Variants in ATRNL1 observed in about 807,000 individuals in gnomAD.
The protein encoded by ATRNL1 is attractin-like protein 1.
ATRNL1 carries 95 observed loss-of-function variants against 182.7 expected under a neutral mutation model. The observed-to-expected ratio is 0.52, with a 90% CI of 0.44 to 0.62. The LOEUF (loss-of-function observed/expected upper bound fraction) is 0.62, where lower values mean the gene tolerates loss of function less well. Among genes scored for constraint, ATRNL1 ranks in the 20% least tolerant of loss-of-function variants. ATRNL1 has a pLI of 0.00. For synonymous variants in ATRNL1, 576 were observed against 568.3 expected, an observed-to-expected ratio of 1.01 and a Z score of -0.19; for missense variants, 1,471 against 1,679.5, an observed-to-expected ratio of 0.88 and a Z score of 2.17.
At chr10:115,321,830 T>C (rs1397478194) in intron 18 of ATRNL1, among the ~76,000 whole-genome samples, 3 of 152,148 alleles carry the variant, frequency 2.0e-5, no homozygotes, top group Non-Finnish European at 2.9e-5. Flanking sequence ...AAATTGTACC[T>C]GTTTGCAGGT....
intron 28 of ATRNL1, among the ~76,000 whole-genome samples, chr10:115,923,273 A>C (rs1953122528): frequency 6.6e-6 from 1 of 152,218 alleles, no homozygotes; most frequent in Admixed American, 6.5e-5. Context: ...ATCAAAAATT[A>C]GAATTCTATT....
At chr10:115,164,981 C>G (rs1428275719) in intron 6 of ATRNL1, among the ~76,000 whole-genome samples, 1 of 151,894 alleles carries the variant, frequency 6.6e-6, no homozygotes, top group Non-Finnish European at 1.5e-5. Flanking sequence ...AAATGTTATG[C>G]TCCCAACACA....
intron 26 of ATRNL1, among the ~76,000 whole-genome samples, chr10:115,587,090 T>C (rs1243414387): frequency 6.7e-6 from 1 of 149,358 alleles, no homozygotes; most frequent in Non-Finnish European, 1.5e-5. Context: ...AGGGATTCAC[T>C]TGAGGAGGCA....
At chr10:115,502,692 G>T (rs1554980376) in intron 24 of ATRNL1, among the ~76,000 whole-genome samples, 2 of 151,948 alleles carry the variant, frequency 1.3e-5, no homozygotes, top group African/African-American at 4.8e-5. Flanking sequence ...TGCTGGTATT[G>T]CCTTAATGTG....
intron 28 of ATRNL1, among the ~76,000 whole-genome samples, chr10:115,868,822 C>CTTTTTTTTTTTTTTTTTTTTTTTTTTTTT (rs67676674): frequency 6.9e-5 from 4 of 58,084 alleles, no homozygotes; most frequent in Non-Finnish European, 1.3e-4. Flanking sequence ...AGTCTTTATT[C>CTTTTTTTTTTTTTTTTTTTTTTTTTTTTT]TTTTTTTTTT....
chr10:115,407,936 A>G (rs1844914268), intron 20 of ATRNL1, among the ~76,000 whole-genome samples: 1 of 139,296 alleles, frequency 7.2e-6, no homozygotes, highest in African/African-American at 2.7e-5. Flanking sequence ...TAACACAGCC[A>G]TTTTAACTGG....
At chr10:115,872,264 G>A (rs1468916363) in intron 28 of ATRNL1, among the ~76,000 whole-genome samples, 1 of 152,138 alleles carries the variant, frequency 6.6e-6, no homozygotes, top group African/African-American at 2.4e-5. Context: ...ACAATTTGTG[G>A]TTCAGGAATA....
At chr10:115,564,116 T>G (rs1024750964) in intron 26 of ATRNL1, among the ~76,000 whole-genome samples, 1 of 152,218 alleles carries the variant, frequency 6.6e-6, no homozygotes, top group Middle Eastern at 3.4e-3. Flanking sequence ...AGCATAATTA[T>G]GGTCTAATTT....
chr10:115,350,588 T>C (rs568748509), intron 19 of ATRNL1, among the ~76,000 whole-genome samples: 2 of 152,202 alleles, frequency 1.3e-5, no homozygotes, highest in South Asian at 4.1e-4. Flanking sequence ...TGTTTATAAG[T>C]GTGTGGGTTT....
chr10:115,729,479 T>C (rs1429780147), intron 27 of ATRNL1, among the ~76,000 whole-genome samples: 1 of 146,446 alleles, frequency 6.8e-6, no homozygotes, highest in Non-Finnish European at 1.5e-5. Context: ...CCAAGGCTTA[T>C]TTCAGCTACC....
intron 21 of ATRNL1, among the ~76,000 whole-genome samples, chr10:115,455,328 A>G (rs782520170): frequency 1.1e-4 from 16 of 152,054 alleles, no homozygotes; most frequent in Non-Finnish European, 2.2e-4. Flanking sequence ...CAGAAATAAT[A>G]CCACACGTCT....
At chr10:115,454,941 G>C (rs1847451223) in intron 21 of ATRNL1, among the ~76,000 whole-genome samples, 1 of 152,088 alleles carries the variant, frequency 6.6e-6, no homozygotes, top group Non-Finnish European at 1.5e-5. Flanking sequence ...GTCTTGAATA[G>C]AAATGGTGAG....
chr10:115,823,066 CA>C (rs1950341791), intron 27 of ATRNL1, among the ~76,000 whole-genome samples: 2 of 152,310 alleles, frequency 1.3e-5, no homozygotes, highest in Admixed American at 1.3e-4. Context: ...AGCAGCACAT[CA>C]AAAAGCTTAT....
rs797034215 is a variant in ATRNL1, at chr10:115,221,138, C to T, written c.1532+5258C>T. On this transcript the variant is annotated intron_variant, in intron 9 of 28. Transcript: ENST00000355044. ...TAATCTAATGTTGCCACTCATCTGA[C>T]AGGAGGTGGAGCTCAGGCAGTAATG... 3.3e-5 allele frequency among the ~76,000 whole-genome samples: 5 copies of T among 152,286 alleles called. 1 individual carries two copies. Among genetic ancestry groups the T allele is most frequent in the African/African-American group, 1.2e-4 (5 of 41,558 alleles).
At chr10:115,511,296 TA>T (rs1429681414) in intron 24 of ATRNL1, among the ~76,000 whole-genome samples, 2 of 151,982 alleles carry the variant, frequency 1.3e-5, no homozygotes, top group East Asian at 3.9e-4. Flanking sequence ...AATTTATTTA[TA>T]TTTTTTAAAA....
Position 115,171,275 on chromosome 10 carries a change from T to A in ATRNL1, c.1331T>A (p.Ile444Lys). 3 of 1,593,924 alleles carry A rather than the reference T, an allele frequency of 1.9e-6. No individual in the cohort carries two copies. Among genetic ancestry groups the A allele is most frequent in the Non-Finnish European group, 2.6e-6 (3 of 1,166,648 alleles). ...GCAATATATGGTTATACAAGCAGCA[T>A]ACAGGAATACCATATCTGTGAGTTA... Reference protein sequence around the residue: ...YSAIYGYTSSIQEYHISSNTW... With the variant: ...YSAIYGYTSSKQEYHISSNTW... Residue 444 changes from isoleucine to lysine, a missense_variant, in exon 8 of 29, where the codon ATA becomes AAA. Transcript: ENST00000355044.
At chr10:115,261,402 CA>C (rs1851386761) in intron 10 of ATRNL1, among the ~76,000 whole-genome samples, 1 of 151,906 alleles carries the variant, frequency 6.6e-6, no homozygotes, top group Admixed American at 6.6e-5. Flanking sequence ...GAATATATAA[CA>C]GGGGAGAAAT....
chr10:115,230,897 GAGAGAGAGAGAGAGAGAGAGAGAGAA>G (rs1849903025), intron 9 of ATRNL1, among the ~76,000 whole-genome samples: 1 of 149,488 alleles, frequency 6.7e-6, no homozygotes, highest in African/African-American at 2.5e-5. Flanking sequence ...GAGAGAGAGA[GAGAGAGAGAGAGAGAGAGAGAGAGAA>G]AGAGAGAAAT....
In ATRNL1 at chr10:115,579,202, G is replaced by A. The variant is rs78227647; in HGVS notation, c.3795+29666G>A. On this transcript the variant is annotated intron_variant, in intron 26 of 28. Transcript: ENST00000355044. ...CTGTTGAATAGAATGTTCTATATAT[G>A]TTGATTAGGTCTAAGGTACAGCTTA... Among the ~76,000 whole-genome samples the A allele has an allele frequency of 8.3e-3, 1,259 of 151,846 alleles. 17 individuals carry two copies. The highest frequency in any genetic ancestry group is 0.029 in the African/African-American group (1,199 of 41,504).
Sources: allele counts gnomAD v4.1 joint callset (sites outside exome capture counted in the v4.1 genomes callset), GRCh38; gene constraint gnomAD v4.1.1; transcripts MANE v1.5; gene names NCBI Gene and HGNC (gene_info 2026-07-23, HGNC 2026-07-21).